Variants in CPA3 observed in about 807,000 individuals in gnomAD.
CPA3 encodes the protein carboxypeptidase A3, also known as mast cell carboxypeptidase A.
Under a neutral mutation model 55.8 loss-of-function variants are expected in CPA3, and 52 were observed. The observed-to-expected ratio is 0.93, with a 90% CI of 0.75 to 1.17. The LOEUF (loss-of-function observed/expected upper bound fraction) is 1.17. CPA3 is among the 50% of genes most tolerant of loss of function. The pLI is 0.00. For synonymous variants in CPA3, 179 were observed against 171.2 expected (o/e 1.05, Z -0.36); for missense variants, 547 against 509.1 (o/e 1.07, Z -0.72).
intron 6 of CPA3, among the ~76,000 whole-genome samples, chr3:148,880,774 G>A (rs1050377650): frequency 4.2e-4 from 64 of 152,214 alleles, no homozygotes; most frequent in African/African-American, 1.5e-3. Context: ...TGAAATATGT[G>A]TAACAATGGT....
rs766647006 is a variant in CPA3 at position 148,882,612 on chromosome 3, C to T, written c.778+17C>T. 3.7e-6 allele frequency: 6 copies of T among 1,601,930 alleles called. No individual in the cohort carries two copies. Among genetic ancestry groups the T allele is most frequent in the Non-Finnish European group, 3.4e-6 (4 of 1,169,618 alleles). On this transcript the variant is annotated intron_variant, in intron 8 of 10. Coordinates refer to ENST00000296046, the MANE Select transcript of CPA3 (RefSeq NM_001870.4). The stretch of plus-strand genomic sequence containing the variant: ...CATGGAACTGTGAGTAGCAGACTTG[C>T]TATCAAGGAAAATTGCTATAAGGAA...
rs1714270328 is a variant in CPA3 at position 148,878,521 on chromosome 3, C to T, written c.350C>T (p.Ala117Val). 3 of 1,612,442 alleles carry T rather than the reference C, an allele frequency of 1.9e-6. No individual in the cohort carries two copies. Among genetic ancestry groups the T allele is most frequent in the South Asian group, 1.1e-5 (1 of 90,936 alleles). ...GATATCCCAGGCAGGCACAGCTACG[C>T]AAAATACAATAATTGGGAAAAGGTA... ...KEDIPGRHSY[A>V]KYNNWEKIVA... Residue 117 changes from alanine (A) to valine (V), a missense_variant, in exon 4 of 11, where the codon GCA becomes GTA. Transcript: ENST00000296046.
intron 5 of CPA3, among the ~76,000 whole-genome samples, chr3:148,879,027 A>G (rs1432984246): frequency 1.0e-4 from 1 of 9,848 alleles, no homozygotes; most frequent in East Asian, 2.0e-3. Context: ...TGTCTCTGGT[A>G]TAAAAAAAAC....
Position 148,883,603 on chromosome 3 carries a change from T to A in CPA3, c.779-10T>A, listed in dbSNP as rs748015288. ...CAGACTGTGGTCTCATCCACCTATG[T>A]CTTCTGCAGCCATTCCTAACACCAA... On this transcript the variant is annotated splice_polypyrimidine_tract_variant and intron_variant, in intron 8 of 10. Coordinates refer to ENST00000296046, the MANE Select transcript of CPA3 (RefSeq NM_001870.4). 1 of 1,612,466 alleles carries A rather than the reference T, an allele frequency of 6.2e-7. No individual in the cohort carries two copies. The highest frequency in any genetic ancestry group is 8.5e-7 in the Non-Finnish European group (1 of 1,179,150).
intron 8 of CPA3, 72 bp downstream of exon 8, chr3:148,882,667 C>A: frequency 8.7e-7 from 1 of 1,151,278 alleles, no homozygotes; most frequent in East Asian, 2.5e-5. Context: ...ACTAAAACAC[C>A]TACTTGTTCA....
rs187581394 is a variant in CPA3, at chr3:148,886,613, T to C, written c.1066+436T>C. Reference sequence around the variant, plus strand: ...TGGAGGCTGGGGTGGGAAGATCATTTGGGCCTGGGAGGTCAAGACTGCCAT... The same window carrying C: ...TGGAGGCTGGGGTGGGAAGATCATTCGGGCCTGGGAGGTCAAGACTGCCAT... On this transcript the variant is annotated intron_variant, in intron 10 of 10. Transcript: ENST00000296046. 2.7e-3 allele frequency among the ~76,000 whole-genome samples: 414 copies of C among 152,278 alleles called. 2 individuals carry two copies. The highest frequency in any genetic ancestry group is 4.0e-3 in the Non-Finnish European group (272 of 68,016).
intron 6 of CPA3, 75 bp from the exon 7 acceptor site, chr3:148,881,447 A>T: frequency 2.5e-6 from 2 of 806,778 alleles, no homozygotes; most frequent in Non-Finnish European, 4.1e-6. Flanking sequence ...TCAAGTTATT[A>T]CTATTATAAC....
rs375410605 is a variant in CPA3, at chr3:148,865,522, A to G, written c.118A>G (p.Ile40Val). The change falls in exon 2 of 11, where the codon ATA (isoleucine) becomes GTA (valine). Residue 40 changes from isoleucine (I) to valine (V), a missense_variant. Coordinates refer to ENST00000296046, the MANE Select transcript of CPA3 (RefSeq NM_001870.4). The part of the protein sequence containing the change: ...KPQDEKQADI[I>V]KDLAKTNELD... ...CCAGGATGAAAAACAAGCAGACATCATAAAGGACTTGGCCAAAACCAATGA... is the reference window on the plus strand; with the variant it reads ...CCAGGATGAAAAACAAGCAGACATCGTAAAGGACTTGGCCAAAACCAATGA... The G allele has an allele frequency of 1.2e-4, 195 of 1,613,962 alleles. No homozygotes were observed. The South Asian group carries it at 2.0e-3, about 16-fold the overall frequency.
intron 5 of CPA3, 121 bp from the exon 6 acceptor site, chr3:148,879,667 G>T (rs527979996): frequency 3.0e-6 from 2 of 669,518 alleles, no homozygotes; most frequent in Admixed American, 2.2e-5. Flanking sequence ...TGCATACATG[G>T]TTCTCATTCA....
intron 9 of CPA3, among the ~76,000 whole-genome samples, chr3:148,884,948 T>C (rs1162392750): frequency 1.3e-5 from 2 of 152,190 alleles, no homozygotes; most frequent in East Asian, 3.8e-4. Flanking sequence ...ATTTATTGGT[T>C]ATATACGTTA....
chr3:148,871,576 C>A (rs1714068277), intron 3 of CPA3, among the ~76,000 whole-genome samples: 1 of 152,160 alleles, frequency 6.6e-6, no homozygotes, highest in Admixed American at 6.5e-5. Context: ...CCTCTTCTAT[C>A]CTGAAATGAT....
At chr3:148,891,513 TACAC>T (rs778053709) in intron 10 of CPA3, among the ~76,000 whole-genome samples, 8,855 of 120,412 alleles carry the variant, frequency 0.074, 370 homozygotes, top group African/African-American at 0.15. Context: ...CACACACACA[TACAC>T]ACACACACAC....
chr3:148,879,984 T>C, intron 6 of CPA3, 95 bp downstream of exon 6: 1 of 802,640 alleles, frequency 1.2e-6, no homozygotes, highest in African/African-American at 1.7e-5. Flanking sequence ...CAATTCCACT[T>C]AGCTAGAAGA....
At chr3:148,879,690 G>A (rs1714305159) in intron 5 of CPA3, 98 bp from the exon 6 acceptor site, 3 of 782,312 alleles carry the variant, frequency 3.8e-6, no homozygotes, top group East Asian at 2.6e-5. Context: ...AATAGACAGG[G>A]GAAATAATTG....
At chr3:148,882,432 G>A in intron 7 of CPA3, 73 bp from the exon 8 acceptor site, 4 of 1,261,924 alleles carry the variant, frequency 3.2e-6, no homozygotes, top group Non-Finnish European at 4.6e-6. Flanking sequence ...CACCTGCAGA[G>A]AGAATTTGAA....
At chr3:148,890,830 C>A (rs766422571) in intron 10 of CPA3, among the ~76,000 whole-genome samples, 1 of 152,116 alleles carries the variant, frequency 6.6e-6, no homozygotes, top group Non-Finnish European at 1.5e-5. Flanking sequence ...TAGTTTGGTA[C>A]GGTTTCATTT....
intron 3 of CPA3, among the ~76,000 whole-genome samples, chr3:148,870,935 G>T (rs934067169): frequency 8.5e-5 from 13 of 152,256 alleles, no homozygotes; most frequent in South Asian, 6.2e-4. Context: ...GTCTCGCTCT[G>T]TCACCCAGAC....
intron 3 of CPA3, among the ~76,000 whole-genome samples, chr3:148,876,214 A>G (rs1423214514): frequency 6.6e-6 from 1 of 151,562 alleles, no homozygotes; most frequent in African/African-American, 2.4e-5. Flanking sequence ...ATATATATAT[A>G]TATAAATAGA....
At position 148,896,881 on chromosome 3, in the gene CPA3, C is replaced by T. The variant is rs1345242884; in HGVS notation, c.*174C>T. 2 of 475,002 alleles carry T rather than the reference C, an allele frequency of 4.2e-6. No homozygotes were observed. The highest frequency in any genetic ancestry group is 3.8e-5 in the Admixed American group (1 of 26,626). 29.4% of individuals were successfully genotyped at this position (475,002 alleles called of 1,614,324 possible). A position where few individuals can be genotyped will look rare whatever the true frequency, so the allele number is the denominator to read the frequency against. On this transcript the variant is annotated 3_prime_UTR_variant, in exon 11 of 11. Transcript: ENST00000296046. ...TTACTTACTTTCAGTAGCACCATAA[C>T]GAAGTAGCTTTAAGTGAAACCTTTT...
Sources: allele counts gnomAD v4.1 joint callset (sites outside exome capture counted in the v4.1 genomes callset), GRCh38; gene constraint gnomAD v4.1.1; transcripts MANE v1.5; gene names NCBI Gene and HGNC (gene_info 2026-07-23, HGNC 2026-07-21).